Variants in FAF1 observed in about 807,000 individuals in gnomAD.
The protein encoded by FAF1 is Fas associated factor 1.
In FAF1, 25 loss-of-function variants were observed where a neutral mutation model predicts 92.5. The observed-to-expected ratio is 0.27, with a 90% CI of 0.20 to 0.38. The LOEUF is 0.38. FAF1 is among the 10% of genes least tolerant of loss of function. The pLI is 1.00. For missense variants in FAF1, 636 were observed against 793.3 expected (o/e 0.80, Z 2.38); for synonymous variants, 234 against 273.2 (o/e 0.86, Z 1.42).
intron 3 of FAF1, among the ~76,000 whole-genome samples, chr1:50,792,107 T>G (rs1036624669): frequency 3.9e-5 from 6 of 152,174 alleles, no homozygotes; most frequent in African/African-American, 1.4e-4. Context: ...ACTTGACTAT[T>G]TTGATGGTAA....
intron 7 of FAF1, among the ~76,000 whole-genome samples, chr1:50,696,134 C>T (rs1317436950): frequency 6.6e-6 from 1 of 152,082 alleles, no homozygotes; most frequent in Non-Finnish European, 1.5e-5. Flanking sequence ...AAGATAGAAT[C>T]TTATTTTGAA....
At chr1:50,733,877 A>G (rs1659030110) in intron 6 of FAF1, among the ~76,000 whole-genome samples, 1 of 152,204 alleles carries the variant, frequency 6.6e-6, no homozygotes, top group Admixed American at 6.5e-5. Context: ...ACTCACTGCA[A>G]CTTCCACCTC....
intron 1 of FAF1, among the ~76,000 whole-genome samples, chr1:50,877,918 C>G (rs1644583809): frequency 6.6e-6 from 1 of 152,146 alleles, no homozygotes; most frequent in African/African-American, 2.4e-5. Flanking sequence ...CTGAAATGGC[C>G]TTCTATAACC....
chr1:50,884,939 G>A (rs1007568877), intron 1 of FAF1, among the ~76,000 whole-genome samples: 1 of 152,050 alleles, frequency 6.6e-6, no homozygotes, highest in South Asian at 2.1e-4. Context: ...TTACACCTTC[G>A]ATCATGTTGC....
At chr1:50,789,980 A>G (rs890640383) in intron 3 of FAF1, among the ~76,000 whole-genome samples, 2 of 152,168 alleles carry the variant, frequency 1.3e-5, no homozygotes, top group Non-Finnish European at 2.9e-5. Context: ...CTTTCTTCTA[A>G]CAAATTATAC....
chr1:50,854,691 G>A (rs1173397442), intron 2 of FAF1, among the ~76,000 whole-genome samples: 1 of 151,838 alleles, frequency 6.6e-6, no homozygotes, highest in African/African-American at 2.4e-5. Context: ...GCCAGGTCTG[G>A]GAAAGTGACT....
chr1:50,529,932 A>T (rs35498179), intron 15 of FAF1, among the ~76,000 whole-genome samples: 7 of 152,166 alleles, frequency 4.6e-5, no homozygotes, highest in Non-Finnish European at 8.8e-5. Flanking sequence ...GAAAGGAGAA[A>T]AATCACTGGA....
chr1:50,834,142 C>T (rs898541852), intron 2 of FAF1, among the ~76,000 whole-genome samples: 3 of 152,208 alleles, frequency 2.0e-5, no homozygotes, highest in South Asian at 2.1e-4. Flanking sequence ...ACCCCCGCTT[C>T]GCCCTCTTCC....
At chr1:50,862,104 G>GA (rs111669898) in intron 1 of FAF1, among the ~76,000 whole-genome samples, 70 of 142,624 alleles carry the variant, frequency 4.9e-4, no homozygotes, top group East Asian at 1.2e-3. Context: ...AGAAAGCAAC[G>GA]AAAAAAAAAA....
At chr1:50,640,220 A>C (rs1051087762) in intron 8 of FAF1, among the ~76,000 whole-genome samples, 16 of 152,114 alleles carry the variant, frequency 1.1e-4, no homozygotes, top group Non-Finnish European at 5.9e-5. Flanking sequence ...GAAGAGGATT[A>C]GAATTAGTTT....
At chr1:50,648,283 C>CA (rs1557454637) in intron 8 of FAF1, among the ~76,000 whole-genome samples, 1 of 151,266 alleles carries the variant, frequency 6.6e-6, no homozygotes, top group African/African-American at 2.4e-5. Flanking sequence ...CAAAACAAAA[C>CA]AAAAAAACAA....
At chr1:50,851,831 A>G (rs1470510275) in intron 2 of FAF1, among the ~76,000 whole-genome samples, 1 of 152,210 alleles carries the variant, frequency 6.6e-6, no homozygotes, top group African/African-American at 2.4e-5. Flanking sequence ...AAAAGGTTTC[A>G]ATTTGATCAG....
chr1:50,842,827 TATC>T (rs966755652), intron 2 of FAF1, among the ~76,000 whole-genome samples: 5 of 152,180 alleles, frequency 3.3e-5, no homozygotes, highest in African/African-American at 1.2e-4. Context: ...TCGTGGCATT[TATC>T]ATATTATAAA....
intron 1 of FAF1, among the ~76,000 whole-genome samples, chr1:50,933,629 C>A (rs1250459527): frequency 6.6e-6 from 1 of 152,220 alleles, no homozygotes; most frequent in Non-Finnish European, 1.5e-5. Context: ...TGCCTGTTAC[C>A]CAGTTCCAAC....
At chr1:50,882,754 C>T (rs1309776599) in intron 1 of FAF1, among the ~76,000 whole-genome samples, 5 of 151,508 alleles carry the variant, frequency 3.3e-5, no homozygotes, top group Non-Finnish European at 7.4e-5. Flanking sequence ...GGGAGGCCAA[C>T]GTGGGCAGAT....
At chr1:50,496,765 C>T (rs1005547092) in intron 15 of FAF1, among the ~76,000 whole-genome samples, 8 of 151,994 alleles carry the variant, frequency 5.3e-5, no homozygotes, top group East Asian at 3.9e-4. Flanking sequence ...GGCACATGCC[C>T]GTAATCCCAG....
At chr1:50,598,462 T>TA (rs890794436) in intron 8 of FAF1, among the ~76,000 whole-genome samples, 3,947 of 112,270 alleles carry the variant, frequency 0.035, 82 homozygotes, top group African/African-American at 0.055. Flanking sequence ...AACCTGTCTT[T>TA]AAAAAAAAAA....
chr1:50,745,742 T>A (rs1659561965), intron 4 of FAF1, among the ~76,000 whole-genome samples: 1 of 152,156 alleles, frequency 6.6e-6, no homozygotes, highest in Admixed American at 6.5e-5. Context: ...TCTTTACAAA[T>A]TATCCAGTCT....
rs145160481 is a variant in FAF1 at position 50,584,189 on chromosome 1, T to G, written c.968-474A>C. Among the ~76,000 whole-genome samples the G allele has an allele frequency of 3.3e-3, 509 of 152,264 alleles. 1 individual carries two copies. The highest frequency in any genetic ancestry group is 0.012 in the African/African-American group (497 of 41,586). ...AGTAAATAGGCCATTATTATTTTAG[T>G]GGTCATTTTGCACGTAGCATGTCTT... On this transcript the variant is annotated intron_variant, in intron 10 of 18. Coordinates refer to ENST00000396153, the MANE Select transcript of FAF1 (RefSeq NM_007051.3).
Sources: allele counts gnomAD v4.1 joint callset (sites outside exome capture counted in the v4.1 genomes callset), GRCh38; gene constraint gnomAD v4.1.1; transcripts MANE v1.5; gene names NCBI Gene and HGNC (gene_info 2026-07-23, HGNC 2026-07-21).